The following DNAH11 variants were observed in gnomAD, a reference collection of about 807,000 sequenced individuals.
The protein encoded by DNAH11 is axonemal beta dynein heavy chain 11.
DNAH11 carries 442 observed loss-of-function variants against 526.0 expected under a neutral mutation model. The ratio of observed to expected loss-of-function variants is 0.84; its 90% confidence interval spans 0.78 to 0.91. The LOEUF is 0.91. Among genes scored for constraint, DNAH11 ranks in the 40% least tolerant of loss-of-function variants. The probability of loss-of-function intolerance (pLI) is 0.00; values close to 1 mark genes in which losing one functional copy is unlikely to be tolerated. For missense variants in DNAH11, 6,989 were observed against 5,448.7 expected (o/e 1.28, Z -8.90); for synonymous variants, 2,461 against 1,935.9 (o/e 1.27, Z -7.12).
intron 63 of DNAH11, among the ~76,000 whole-genome samples, chr7:21,813,009 G>C (rs1024031603): frequency 1.3e-5 from 2 of 152,190 alleles, no homozygotes; most frequent in Non-Finnish European, 2.9e-5. Flanking sequence ...AGGGTATGGG[G>C]GAAGGGTTGT....
chr7:21,598,287 G>A (rs956151892), intron 14 of DNAH11, among the ~76,000 whole-genome samples: 1 of 152,148 alleles, frequency 6.6e-6, no homozygotes, highest in Admixed American at 6.5e-5. Context: ...TATAGACCAT[G>A]CAAGTTTAGC....
chr7:21,880,418 C>G (rs1783873695), intron 74 of DNAH11, among the ~76,000 whole-genome samples: 1 of 152,190 alleles, frequency 6.6e-6, no homozygotes, highest in Non-Finnish European at 1.5e-5. Context: ...AAAATGATGT[C>G]AAGCAGTATG....
chr7:21,591,488 G>T lies in DNAH11; in HGVS notation c.2578G>T (p.Ala860Ser), dbSNP rs1171160143. ...CAGGAGAGAGCACAGACGAGAGGCA[G>T]CCTTCACCTTGGAGGACAAGGGTGA... is the stretch of plus-strand genomic sequence containing the variant. ...PPRREHRREAAFTLEDKGDLF... is the reference protein window; with the variant it reads ...PPRREHRREASFTLEDKGDLF... Residue 860 changes from alanine to serine, a missense_variant, in exon 14 of 82, where the codon GCC (alanine) becomes TCC (serine). By Grantham distance (99) the Ala-to-Ser change is moderately conservative. Coordinates refer to ENST00000409508, the MANE Select transcript of DNAH11 (RefSeq NM_001277115.2). 4 of 1,612,864 alleles carry T rather than the reference G, an allele frequency of 2.5e-6. No individual in the cohort carries two copies. In the African/African-American group the frequency reaches 4.0e-5, roughly 16 times the overall value.
intron 72 of DNAH11, among the ~76,000 whole-genome samples, chr7:21,868,373 G>A (rs757132): frequency 0.54 from 82,223 of 151,892 alleles, 26,837 homozygotes; most frequent in Non-Finnish European, 0.74. Flanking sequence ...TTGTGTTCTG[G>A]ATTACCATTC....
At position 21,855,749 on chromosome 7, in the gene DNAH11, G is replaced by A. The variant is rs75692867; in HGVS notation, c.11202+1294G>A. The stretch of plus-strand genomic sequence containing the variant: ...ACAAATGTTTATTATGATCAATCAC[G>A]TCAGATGCTTGTCACTTGAGTGTAT... On this transcript the variant is annotated intron_variant, in intron 68 of 81. Coordinates refer to ENST00000409508, the MANE Select transcript of DNAH11 (RefSeq NM_001277115.2). 2.3e-4 allele frequency among the ~76,000 whole-genome samples: 35 copies of A among 152,190 alleles called. No homozygotes were observed. In the East Asian group the frequency reaches 5.6e-3, roughly 24 times the overall value.
chr7:21,591,113 T>C, intron 13 of DNAH11, 72 bp from the exon 14 acceptor site: 4 of 1,477,324 alleles, frequency 2.7e-6, no homozygotes. Context: ...TATATGATAT[T>C]TTTACACCTT....
chr7:21,816,746 G>A, intron 64 of DNAH11, 44 bp downstream of exon 64: 1 of 1,534,924 alleles, frequency 6.5e-7, no homozygotes, highest in Non-Finnish European at 9.0e-7. Flanking sequence ...TACCTGCTGT[G>A]AAGTGGGTCT....
chr7:21,687,289 A>G, intron 33 of DNAH11, 34 bp downstream of exon 33: 2 of 1,551,520 alleles, frequency 1.3e-6, no homozygotes, highest in Non-Finnish European at 1.7e-6. Flanking sequence ...GTAAAACTTT[A>G]TTCTCTAACA....
rs988342734 is a variant in DNAH11 at position 21,772,533 on chromosome 7, T to C, written c.9103-1233T>C. On this transcript the variant is annotated intron_variant, in intron 55 of 81. Transcript: ENST00000409508. ...TTGTAAAAATAAAGTCTCCAAAGGATTATGATTTATATGAAGTTTATATAA... is the reference window on the plus strand; with the variant it reads ...TTGTAAAAATAAAGTCTCCAAAGGACTATGATTTATATGAAGTTTATATAA... Among the ~76,000 whole-genome samples, 21 of 152,120 alleles carry C rather than the reference T, an allele frequency of 1.4e-4. 1 individual carries two copies. Among genetic ancestry groups the C allele is most frequent in the Non-Finnish European group, 2.6e-4 (18 of 68,028 alleles).
intron 63 of DNAH11, among the ~76,000 whole-genome samples, chr7:21,811,808 T>C (rs1453658284): frequency 1.3e-5 from 2 of 152,096 alleles, no homozygotes; most frequent in Non-Finnish European, 2.9e-5. Flanking sequence ...AAGTGTTATG[T>C]TTAAAGATGT....
chr7:21,582,963 C>T (rs571713100), intron 9 of DNAH11, among the ~76,000 whole-genome samples: 133 of 152,070 alleles, frequency 8.7e-4, no homozygotes, highest in Non-Finnish European at 1.7e-3. Flanking sequence ...AAAGAATTCA[C>T]GAGGATCTGG....
intron 18 of DNAH11, among the ~76,000 whole-genome samples, chr7:21,601,854 C>A (rs1192835390): frequency 6.6e-6 from 1 of 151,924 alleles, no homozygotes; most frequent in Admixed American, 6.6e-5. Context: ...AAATACTTAA[C>A]CACTGTGCTC....
intron 35 of DNAH11, among the ~76,000 whole-genome samples, chr7:21,695,807 C>G (rs1276872584): frequency 6.6e-6 from 1 of 152,098 alleles, no homozygotes; most frequent in African/African-American, 2.4e-5. Flanking sequence ...AACAAGCAAC[C>G]TACAGAATGG....
At position 21,606,545 on chromosome 7, in the gene DNAH11, A is replaced by C; in HGVS notation, c.3765+3A>C. ...GGAAAAAATGTATTTTGTTTGACGT[A>C]AGCTAGTTACCAAGTTTTTGTTTTA... On this transcript the variant is annotated splice_donor_region_variant and intron_variant, in intron 19 of 81. Coordinates refer to ENST00000409508, the MANE Select transcript of DNAH11 (RefSeq NM_001277115.2). The C allele has an allele frequency of 6.2e-7, 1 of 1,604,036 alleles. No homozygotes were observed. The highest frequency in any genetic ancestry group is 8.5e-7 in the Non-Finnish European group (1 of 1,176,638).
At chr7:21,763,339 C>CAAAAAAAA (rs1243002469) in intron 54 of DNAH11, among the ~76,000 whole-genome samples, 1 of 10,690 alleles carries the variant, frequency 9.4e-5, no homozygotes, top group Non-Finnish European at 2.2e-4. Context: ...AAGACTGTCT[C>CAAAAAAAA]AAAAAAAAAA....
intron 30 of DNAH11, among the ~76,000 whole-genome samples, chr7:21,677,638 G>A (rs191099021): frequency 6.6e-6 from 1 of 152,206 alleles, no homozygotes; most frequent in Non-Finnish European, 1.5e-5. Context: ...ACCTGCCTGG[G>A]CCTCCCAAAG....
At chr7:21,628,153 C>T (rs775375889) in intron 25 of DNAH11, among the ~76,000 whole-genome samples, 3 of 151,868 alleles carry the variant, frequency 2.0e-5, no homozygotes, top group South Asian at 2.1e-4. Context: ...CTGCAACTTG[C>T]GTAAACTTGT....
chr7:21,624,437 ATTAG>A (rs1189379903), intron 25 of DNAH11, among the ~76,000 whole-genome samples: 1 of 152,130 alleles, frequency 6.6e-6, no homozygotes, highest in East Asian at 1.9e-4. Context: ...TTATTCATTT[ATTAG>A]TTCTAACAGT....
chr7:21,745,786 A>C (rs1786123362), intron 51 of DNAH11, among the ~76,000 whole-genome samples: 1 of 152,252 alleles, frequency 6.6e-6, no homozygotes, highest in South Asian at 2.1e-4. Flanking sequence ...TGTGAGAAAT[A>C]CAATAAGTGA....
Sources: gnomAD v4.1 joint callset for allele counts (sites outside exome capture counted in the v4.1 genomes callset) on GRCh38, gnomAD v4.1.1 for gene constraint, MANE v1.5 for transcripts, NCBI Gene and HGNC (gene_info 2026-07-23, HGNC 2026-07-21) for gene names.